Variants in CYP27C1 observed in about 807,000 individuals in gnomAD.
CYP27C1 encodes the protein cytochrome P450 family 27 subfamily C member 1.
Under a neutral mutation model 40.6 loss-of-function variants are expected in CYP27C1, and 29 were observed. The observed-to-expected ratio is 0.71, with a 90% CI of 0.53 to 0.97. The LOEUF (loss-of-function observed/expected upper bound fraction) is 0.97. CYP27C1 is among the 50% of genes least tolerant of loss of function. CYP27C1 has a pLI of 0.00. For missense variants in CYP27C1, 390 were observed against 485.8 expected (o/e 0.80, Z 1.85); for synonymous variants, 198 against 186.8 (o/e 1.06, Z -0.49).
At position 127,200,483 on chromosome 2, in the gene CYP27C1, C is replaced by T. The variant is rs186108881; in HGVS notation, c.883+639G>A. ...AAATTGTCACATTCAAATGAATGTG[C>T]GTGGACCTGAAACTCTACATTTTAA... is the stretch of plus-strand genomic sequence containing the variant. On this transcript the variant is annotated intron_variant, in intron 4 of 8. Coordinates refer to ENST00000664447, the MANE Select transcript of CYP27C1 (RefSeq NM_001367502.1). The surrounding 1 kb of genome is among the most constrained non-coding windows in gnomAD (Gnocchi z 4.2). 2.0e-4 allele frequency among the ~76,000 whole-genome samples: 30 copies of T among 152,220 alleles called. No individual in the cohort carries two copies. Among genetic ancestry groups the T allele is most frequent in the East Asian group, 1.9e-3 (10 of 5,188 alleles).
At position 127,219,788 on chromosome 2, in the gene CYP27C1, C is replaced by T. The variant is rs552335825; in HGVS notation, c.282+201G>A. Among the ~76,000 whole-genome samples the T allele has an allele frequency of 3.3e-5, 5 of 151,444 alleles. No homozygotes were observed. The highest frequency in any genetic ancestry group is 6.6e-5 in the Admixed American group (1 of 15,262). ...CCTTTCCGGCGTCCTCTCCCCAGCG[C>T]CCCTTCCTGCGAACCTTAACCGGAC... On this transcript the variant is annotated intron_variant, in intron 1 of 8. Transcript: ENST00000664447. The surrounding 1 kb of genome is among the most constrained non-coding windows in gnomAD (Gnocchi z 8.7).
chr2:127,197,740 C>G (rs1682936595), intron 5 of CYP27C1, among the ~76,000 whole-genome samples: 1 of 152,190 alleles, frequency 6.6e-6, no homozygotes, highest in Non-Finnish European at 1.5e-5. Context: ...CCCTGTTTTG[C>G]CATTTCCTTT....
intron 3 of CYP27C1, among the ~76,000 whole-genome samples, chr2:127,202,488 C>CT (rs1226651156): frequency 6.6e-6 from 1 of 152,198 alleles, no homozygotes; most frequent in Non-Finnish European, 1.5e-5. Context: ...GTGTACTACC[C>CT]TTTATTGTTT....
intron 2 of CYP27C1, among the ~76,000 whole-genome samples, chr2:127,203,961 T>C (rs1187888996): frequency 6.6e-6 from 1 of 151,392 alleles, no homozygotes; most frequent in African/African-American, 2.4e-5. Flanking sequence ...AAGTAAGTAC[T>C]GATATTAAAA....
intron 8 of CYP27C1, among the ~76,000 whole-genome samples, chr2:127,190,010 T>C (rs556884562): frequency 2.0e-5 from 3 of 152,350 alleles, no homozygotes; most frequent in African/African-American, 7.2e-5. Context: ...TTATATAAGA[T>C]GATGATTACC....
Position 127,196,304 on chromosome 2 carries a change from C to T in CYP27C1, c.1048-803G>A, listed in dbSNP as rs1573894833. Among the ~76,000 whole-genome samples the T allele has an allele frequency of 6.6e-6, 1 of 151,886 alleles. No individual in the cohort carries two copies. Among genetic ancestry groups the T allele is most frequent in the Non-Finnish European group, 1.5e-5 (1 of 67,980 alleles). ...CTGGAACTCCTGACCTTGTGATCTG[C>T]CCACCTCGGGTCTCCCAAAGTGCTG... is the stretch of plus-strand genomic sequence containing the variant. On this transcript the variant is annotated intron_variant, in intron 5 of 8. Coordinates refer to ENST00000664447, the MANE Select transcript of CYP27C1 (RefSeq NM_001367502.1). The surrounding 1 kb of genome is among the most constrained non-coding windows in gnomAD (Gnocchi z 4.5).
In CYP27C1 at chr2:127,187,254, A is replaced by G; in HGVS notation, c.*17T>C. The G allele has an allele frequency of 1.2e-6, 2 of 1,604,188 alleles. No individual in the cohort carries two copies. The stretch of plus-strand genomic sequence containing the variant: ...GCGAGCTGGTCTGCTACATCAGCCC[A>G]GGTTTAAAATCTAGGCTTACTTTCT... On this transcript the variant is annotated 3_prime_UTR_variant, in exon 9 of 9. Transcript: ENST00000664447.
At chr2:127,204,516 G>GAAA (rs1683152378) in intron 2 of CYP27C1, among the ~76,000 whole-genome samples, 1 of 55,932 alleles carries the variant, frequency 1.8e-5, no homozygotes, top group African/African-American at 7.0e-5. Context: ...AAAGAAAGAA[G>GAAA]GAAAGAAAGA....
chr2:127,187,051 CAAAG>C lies in CYP27C1; in HGVS notation c.*216_*219del. 1 of 502,386 alleles carries C rather than the reference CAAAG, an allele frequency of 2.0e-6. No homozygotes were observed. Among genetic ancestry groups the C allele is most frequent in the South Asian group, 2.8e-5 (1 of 35,642 alleles). 31.1% of individuals were successfully genotyped at this position (502,386 alleles called of 1,614,324 possible). A position where few individuals can be genotyped will look rare whatever the true frequency, so the allele number is the denominator to read the frequency against. On this transcript the variant is annotated 3_prime_UTR_variant, in exon 9 of 9. Coordinates refer to ENST00000664447, the MANE Select transcript of CYP27C1 (RefSeq NM_001367502.1). ...CTGGTTTTTAAACAGCTGTTTCCCC[CAAAG>C]AAAGGGCAACTTCTGGTATGCACCA... is the stretch of plus-strand genomic sequence containing the variant.
At chr2:127,198,323 T>C (rs1396225314) in intron 5 of CYP27C1, among the ~76,000 whole-genome samples, 2 of 152,182 alleles carry the variant, frequency 1.3e-5, no homozygotes, top group East Asian at 3.8e-4. Context: ...GTGAATGAAA[T>C]GAATTCTTGG....
At chr2:127,189,176 C>T (rs955945957) in intron 8 of CYP27C1, among the ~76,000 whole-genome samples, 3 of 151,228 alleles carry the variant, frequency 2.0e-5, no homozygotes, top group Non-Finnish European at 2.9e-5. Flanking sequence ...CTGCCCCCCC[C>T]CTCCGCCCCC....
Position 127,184,694 on chromosome 2 carries a change from G to T in CYP27C1, c.*2577C>A, listed in dbSNP as rs951033936. On this transcript the variant is annotated 3_prime_UTR_variant, in exon 9 of 9. Transcript: ENST00000664447. The stretch of plus-strand genomic sequence containing the variant: ...CCCAAAGTGCTGGGATTACAGGCAT[G>T]AGCCACCTCGCCTGGCCCCTCCTCT... The T allele has an allele frequency of 6.6e-6, 1 of 152,446 alleles. No homozygotes were observed. The highest frequency in any genetic ancestry group is 2.4e-5 in the African/African-American group (1 of 41,458). 9.4% of individuals were successfully genotyped at this position (152,446 alleles called of 1,614,324 possible).
intron 1 of CYP27C1, among the ~76,000 whole-genome samples, chr2:127,207,347 T>C (rs914701662): frequency 6.6e-6 from 1 of 152,068 alleles, no homozygotes; most frequent in Non-Finnish European, 1.5e-5. Flanking sequence ...ACACAAAAAT[T>C]ATCCAGGCAT....
At position 127,203,362 on chromosome 2, in the gene CYP27C1, T is replaced by C. The variant is rs373850801; in HGVS notation, c.673+10A>G. ...TCTTCCCTCCTTCCCACCTGCTGAT[T>C]CCACCTCACCTTCCATTGAATATTT... On this transcript the variant is annotated intron_variant, in intron 3 of 8. Transcript: ENST00000664447. 2.5e-6 allele frequency: 4 copies of C among 1,610,636 alleles called. No individual in the cohort carries two copies. Among genetic ancestry groups the C allele is most frequent in the Non-Finnish European group, 2.5e-6 (3 of 1,178,288 alleles).
intron 5 of CYP27C1, among the ~76,000 whole-genome samples, chr2:127,197,398 C>G (rs1003018804): frequency 2.0e-5 from 3 of 152,082 alleles, no homozygotes; most frequent in Non-Finnish European, 2.9e-5. Context: ...AAAAATAAAG[C>G]CTTGAGGCTT....
chr2:127,199,282 A>G, intron 5 of CYP27C1, 94 bp downstream of exon 5: 7 of 1,511,826 alleles, frequency 4.6e-6, no homozygotes, highest in Non-Finnish European at 5.4e-6. Flanking sequence ...GTAAAACTCC[A>G]TCCTCCCGCT....
chr2:127,195,374 T>C lies in CYP27C1; in HGVS notation c.1175A>G (p.Lys392Arg), dbSNP rs1214356666. The change falls in exon 6 of 9, where the codon AAG becomes AGG. Residue 392 changes from lysine (K) to arginine (R), a missense_variant. Transcript: ENST00000664447. The surrounding 1 kb of genome is among the most constrained non-coding windows in gnomAD (Gnocchi z 6.2). The part of the protein sequence containing the change: ...RHVPTAADVP[K>R]VPLVRALLKE... ...AAGGAGAGCTCTGACCAGCGGGACC[T>C]TGGGGACATCAGCTGCAGTTGGAAC... 2 of 1,614,156 alleles carry C rather than the reference T, an allele frequency of 1.2e-6. No individual in the cohort carries two copies. Among genetic ancestry groups the C allele is most frequent in the South Asian group, 1.1e-5 (1 of 91,080 alleles).
At chr2:127,203,169 GA>G (rs11394846) in intron 3 of CYP27C1, among the ~76,000 whole-genome samples, 324 of 133,282 alleles carry the variant, frequency 2.4e-3, no homozygotes, top group African/African-American at 4.2e-3. Flanking sequence ...CTTCATCTCA[GA>G]AAAAAAAAAA....
At chr2:127,192,011 T>C (rs1000472323) in intron 8 of CYP27C1, among the ~76,000 whole-genome samples, 2 of 152,206 alleles carry the variant, frequency 1.3e-5, no homozygotes, top group Non-Finnish European at 2.9e-5. Flanking sequence ...GTGCCCACCC[T>C]GAGCCTGACC....
Sources: allele counts gnomAD v4.1 joint callset (sites outside exome capture counted in the v4.1 genomes callset), GRCh38; gene constraint gnomAD v4.1.1; non-coding constraint Gnocchi (gnomAD v3.1); transcripts MANE v1.5; gene names NCBI Gene and HGNC (gene_info 2026-07-23, HGNC 2026-07-21).